The following TWNK variants were observed in gnomAD, a reference collection of about 807,000 sequenced individuals.
The protein encoded by TWNK is T7 gp4-like protein with intramitochondrial nucleoid localization.
A neutral mutation model predicts 58.2 loss-of-function variants in TWNK; 36 were observed. The observed-to-expected ratio is 0.62, with a 90% CI of 0.47 to 0.82. The LOEUF (loss-of-function observed/expected upper bound fraction) is 0.82, where lower values mean the gene tolerates loss of function less well. Among genes scored for constraint, TWNK ranks in the 40% least tolerant of loss-of-function variants. The pLI is 0.00. For missense variants in TWNK, 714 were observed against 881.0 expected (o/e 0.81, Z 2.40); for synonymous variants, 349 against 348.5 (o/e 1.00, Z -0.02).
In TWNK at chr10:100,990,889, T is replaced by C; in HGVS notation, c.1613T>C (p.Ile538Thr). 6.2e-7 allele frequency: 1 copy of C among 1,614,252 alleles called. No homozygotes were observed. Among genetic ancestry groups the C allele is most frequent in the Non-Finnish European group, 8.5e-7 (1 of 1,180,052 alleles). ...CGTAGGATCGCAGCTCAAGACTACA[T>C]CATCGGGGTCTTTCGGAAGTTTGCA... Reference protein sequence around the residue: ...STDRIAAQDYIIGVFRKFATD... With the variant: ...STDRIAAQDYTIGVFRKFATD... Residue 538 changes from isoleucine (I) to threonine (T), a missense_variant, in exon 4 of 5, where the codon ATC (isoleucine) becomes ACC (threonine). Coordinates refer to ENST00000311916, the MANE Select transcript of TWNK (RefSeq NM_021830.5).
rs1851708078 is a variant in TWNK, at chr10:100,989,511, G to A, written c.1243+58G>A. On this transcript the variant is annotated intron_variant, in intron 1 of 4. Transcript: ENST00000311916. This position sits in a 1 kb window ranked among gnomAD's most constrained non-coding sequence, Gnocchi z 7.6. ...AGGGGCAGAAGATCAGGTGACAAAA[G>A]CAAGTGGGTTTGGGCCATGACAATG... 2 of 1,610,446 alleles carry A rather than the reference G, an allele frequency of 1.2e-6. No individual in the cohort carries two copies. The highest frequency in any genetic ancestry group is 1.1e-5 in the South Asian group (1 of 90,908).
rs190870784 is a variant in TWNK at position 100,993,772 on chromosome 10, G to A, written c.*262G>A. On this transcript the variant is annotated 3_prime_UTR_variant, in exon 5 of 5. Coordinates refer to ENST00000311916, the MANE Select transcript of TWNK (RefSeq NM_021830.5). ...AGTCCCTGCCTGCATGCATTCTGGC[G>A]GAAGAGACAAGCAAGCAATGAACAA... 5.7e-5 allele frequency: 30 copies of A among 524,734 alleles called. No homozygotes were observed. Among genetic ancestry groups the A allele is most frequent in the Middle Eastern group, 5.1e-4 (1 of 1,974 alleles). The allele number at this position is 524,734 out of a possible 1,614,324, so 32.5% of individuals were successfully genotyped here.
chr10:100,992,062 G>A (rs1312516635), intron 4 of TWNK, among the ~76,000 whole-genome samples: 1 of 147,734 alleles, frequency 6.8e-6, no homozygotes, highest in African/African-American at 2.5e-5. Flanking sequence ...AATTAGCTGG[G>A]CATGGTAGCA....
chr10:100,993,410 C>G lies in TWNK; in HGVS notation c.1955C>G (p.Pro652Arg). 6.2e-7 allele frequency: 1 copy of G among 1,614,208 alleles called. No homozygotes were observed. The highest frequency in any genetic ancestry group is 1.3e-5 in the African/African-American group (1 of 75,058). ...KDDTGPVAKK[P>R]SSGKKGATTQ... is the part of the protein sequence containing the mutation. Reference sequence around the variant, plus strand: ...GACACTGGACCAGTGGCCAAAAAGCCCTCTTCTGGCAAAAAGGGGGCTACG... The same window carrying G: ...GACACTGGACCAGTGGCCAAAAAGCGCTCTTCTGGCAAAAAGGGGGCTACG... Residue 652 changes from proline (P) to arginine (R), a missense_variant, in exon 5 of 5, where the codon CCC (proline) becomes CGC (arginine). Physicochemically the swap from Pro to Arg is moderately radical, Grantham distance 103. Around this residue, in one of 3 missense-constraint regions of TWNK, gnomAD observed 64 missense variants for 54.0 expected, o/e 1.19. Transcript: ENST00000311916.
chr10:100,993,499 C>T lies in TWNK; in HGVS notation c.2044C>T (p.Arg682Cys), dbSNP rs1160844253. ...TCCCGACCAGCCAGACACCTCCAAG[C>T]GTTCAAAGTGAAGGCCGTGCAGAGC... ...PTPDQPDTSKRSK is the reference protein window; with the variant it reads ...PTPDQPDTSKCSK Residue 682 changes from arginine (R) to cysteine (C), a missense_variant, in exon 5 of 5, where the codon CGT becomes TGT. Arg to Cys is a radical substitution (Grantham distance 180). This residue lies in a region of TWNK where 64 missense variants were observed against 54.0 expected (regional missense o/e 1.19). Transcript: ENST00000311916. 7 of 1,614,022 alleles carry T rather than the reference C, an allele frequency of 4.3e-6. No homozygotes were observed. The highest frequency in any genetic ancestry group is 2.7e-5 in the African/African-American group (2 of 74,938).
Position 100,991,004 on chromosome 10 carries a change from A to G in TWNK, c.1728A>G (p.Ser576=). ...KELQTASIFG[S]AKASQEADNV... ...TGCAGACAGCGTCCATTTTTGGCTC[A>G]GCCAAAGTGAGTGGCCTTTAGCGGA... Residue 576 remains serine, a synonymous_variant, in exon 4 of 5, where the codon TCA becomes TCG. Coordinates refer to ENST00000311916, the MANE Select transcript of TWNK (RefSeq NM_021830.5). 6.2e-7 allele frequency: 1 copy of G among 1,614,214 alleles called. No homozygotes were observed. The highest frequency in any genetic ancestry group is 8.5e-7 in the Non-Finnish European group (1 of 1,180,028).
Position 100,991,013 on chromosome 10 carries a change from G to A in TWNK, c.1734+3G>A, listed in dbSNP as rs373273836. On this transcript the variant is annotated splice_donor_region_variant and intron_variant, in intron 4 of 4. Coordinates refer to ENST00000311916, the MANE Select transcript of TWNK (RefSeq NM_021830.5). The stretch of plus-strand genomic sequence containing the variant: ...CGTCCATTTTTGGCTCAGCCAAAGT[G>A]AGTGGCCTTTAGCGGAGCTCAAGCT... The A allele has an allele frequency of 4.4e-5, 71 of 1,614,090 alleles. No individual in the cohort carries two copies. Among genetic ancestry groups the A allele is most frequent in the Non-Finnish European group, 5.8e-5 (68 of 1,180,034 alleles).
Position 100,987,696 on chromosome 10 carries a change from T to G in TWNK, c.-515T>G. 1 of 590,774 alleles carries G rather than the reference T, an allele frequency of 1.7e-6. No individual in the cohort carries two copies. The highest frequency in any genetic ancestry group is 3.0e-6 in the Non-Finnish European group (1 of 334,904). 36.6% of individuals were successfully genotyped at this position (590,774 alleles called of 1,614,324 possible). ...ACACGGGGGAGGATAGAGACTGGCA[T>G]TCCTTTGGGCCGGGGGATTGGCGGG... On this transcript the variant is annotated 5_prime_UTR_variant, in exon 1 of 5. Transcript: ENST00000311916.
rs777472403 is a variant in TWNK at position 100,989,070 on chromosome 10, C to T, written c.860C>T (p.Thr287Met). Reference sequence around the variant, plus strand: ...CCTACCCTTACTCTACCCCGAGGAACGACCTGCTTACCCCCTGCCTTACTC... The same window carrying T: ...CCTACCCTTACTCTACCCCGAGGAATGACCTGCTTACCCCCTGCCTTACTC... The part of the protein sequence containing the change: ...GLPTLTLPRG[T>M]TCLPPALLPY... The change falls in exon 1 of 5, where the codon ACG becomes ATG. Residue 287 changes from threonine to methionine, a missense_variant. By Grantham distance (81) the Thr-to-Met change is moderately conservative (BLOSUM62 -1). Transcript: ENST00000311916. This position sits in a 1 kb window ranked among gnomAD's most constrained non-coding sequence, Gnocchi z 7.6. 1.6e-5 allele frequency: 26 copies of T among 1,613,878 alleles called. No individual in the cohort carries two copies. Among genetic ancestry groups the T allele is most frequent in the South Asian group, 8.8e-5 (8 of 91,082 alleles).
chr10:100,991,198 C>T lies in TWNK; in HGVS notation c.1734+188C>T, dbSNP rs1174782904. 4 of 803,336 alleles carry T rather than the reference C, an allele frequency of 5.0e-6. No homozygotes were observed. The South Asian group carries it at 5.5e-5, about 11-fold the overall frequency. 49.8% of individuals were successfully genotyped at this position (803,336 alleles called of 1,614,324 possible). ...AAGGCTGATAGTTGGTTCTTATGCT[C>T]TTCTTGTCCCCCAGGAGCTCACATC... On this transcript the variant is annotated intron_variant, in intron 4 of 4. Coordinates refer to ENST00000311916, the MANE Select transcript of TWNK (RefSeq NM_021830.5).
chr10:100,992,770 C>T (rs1851816839), intron 4 of TWNK, among the ~76,000 whole-genome samples: 2 of 151,766 alleles, frequency 1.3e-5, no homozygotes, highest in Admixed American at 1.3e-4. Flanking sequence ...GTACTTTTCC[C>T]TCTCCCATTC....
chr10:100,990,664 G>A (rs2133941701), intron 3 of TWNK, 121 bp downstream of exon 3: 1 of 1,604,368 alleles, frequency 6.2e-7, no homozygotes, highest in Non-Finnish European at 8.5e-7. Flanking sequence ...ATGTGTGCAG[G>A]CACGTACCAC....
At chr10:100,990,186 G>T (rs1402123850) in intron 2 of TWNK, among the ~76,000 whole-genome samples, 1 of 152,170 alleles carries the variant, frequency 6.6e-6, no homozygotes, top group East Asian at 1.9e-4. Context: ...GATGGCATAT[G>T]CCTGTGGTCC....
At position 100,990,551 on chromosome 10, in the gene TWNK, T is replaced by G; in HGVS notation, c.1592+8T>G. The G allele has an allele frequency of 6.2e-7, 1 of 1,614,096 alleles. No individual in the cohort carries two copies. The highest frequency in any genetic ancestry group is 8.5e-7 in the Non-Finnish European group (1 of 1,180,018). On this transcript the variant is annotated splice_region_variant and intron_variant, in intron 3 of 4. Coordinates refer to ENST00000311916, the MANE Select transcript of TWNK (RefSeq NM_021830.5). The stretch of plus-strand genomic sequence containing the variant: ...GCAGCTGTCCACAGACAGGTGACGG[T>G]GACATCCTCTCTTGTCTAGCTTGAG...
At chr10:100,991,119 A>G in intron 4 of TWNK, 109 bp downstream of exon 4, 1 of 1,522,640 alleles carries the variant, frequency 6.6e-7, no homozygotes, top group Non-Finnish European at 9.0e-7. Flanking sequence ...CCGAACAGGC[A>G]GGAGGCAATG....
At position 100,990,744 on chromosome 10, in the gene TWNK, C is replaced by T; in HGVS notation, c.1593-125C>T. On this transcript the variant is annotated intron_variant, in intron 3 of 4. Transcript: ENST00000311916. The stretch of plus-strand genomic sequence containing the variant: ...TATGGACAGGGATCTGAGTGTGAGT[C>T]CTTGGGTAGAGGGAGGTAGAGTGGG... 1.9e-6 allele frequency: 3 copies of T among 1,566,226 alleles called. No individual in the cohort carries two copies. The South Asian group carries it at 3.4e-5, about 18-fold the overall frequency.
chr10:100,987,594 A>T lies in TWNK; in HGVS notation c.-617A>T. ...GTGCGGGAGACTCACGTTGCCGGCG[A>T]AGTGGGAGAGAGAAAAGTGGTAACC... On this transcript the variant is annotated 5_prime_UTR_variant, in exon 1 of 5. An upstream open reading frame in the 5' UTR gains an earlier in-frame stop. Coordinates refer to ENST00000311916, the MANE Select transcript of TWNK (RefSeq NM_021830.5). The T allele has an allele frequency of 8.3e-7, 1 of 1,212,052 alleles. No individual in the cohort carries two copies. Among genetic ancestry groups the T allele is most frequent in the South Asian group, 1.6e-5 (1 of 63,526 alleles). 75.1% of individuals were successfully genotyped at this position (1,212,052 alleles called of 1,614,324 possible).
At position 100,993,384 on chromosome 10, in the gene TWNK, TGA is replaced by T; in HGVS notation, c.1930_1931del (p.Asp644HisfsTer21). 6.2e-7 allele frequency: 1 copy of T among 1,614,180 alleles called. No individual in the cohort carries two copies. On this transcript the variant is annotated frameshift_variant, in exon 5 of 5. Coordinates refer to ENST00000311916, the MANE Select transcript of TWNK (RefSeq NM_021830.5). LOFTEE classifies it low-confidence loss of function (END_TRUNC). ...AGGCCCGGCTCAAGAAGATCAAGGA[TGA>T]CACTGGACCAGTGGCCAAAAAGCCC... The part of the protein sequence containing the change: ...NKARLKKIKD[D>X]TGPVAKKPSS...
At position 100,988,045 on chromosome 10, in the gene TWNK, G is replaced by T; in HGVS notation, c.-166G>T. The T allele has an allele frequency of 1.2e-6, 1 of 812,552 alleles. No homozygotes were observed. The allele number at this position is 812,552 out of a possible 1,614,324, so 50.3% of individuals were successfully genotyped here. On this transcript the variant is annotated 5_prime_UTR_variant, in exon 1 of 5. Transcript: ENST00000311916. The surrounding 1 kb of genome is among the most constrained non-coding windows in gnomAD (Gnocchi z 5.2). ...TGTAGATGGGCATATGTGTGAAGCAGCAACGTAGAGGGGCTGAAGAGGAGA... is the reference window on the plus strand; with the variant it reads ...TGTAGATGGGCATATGTGTGAAGCATCAACGTAGAGGGGCTGAAGAGGAGA...
Sources: gnomAD v4.1 joint callset for allele counts (sites outside exome capture counted in the v4.1 genomes callset) on GRCh38, gnomAD v4.1.1 for gene constraint, gnomAD v4.1.1 regional missense constraint, Gnocchi (gnomAD v3.1) non-coding constraint, MANE v1.5 for transcripts, NCBI Gene and HGNC (gene_info 2026-07-23, HGNC 2026-07-21) for gene names.